The following CDC34 variants were observed in gnomAD, a reference collection of about 807,000 sequenced individuals.
CDC34 encodes ubiquitin-conjugating enzyme E2 R1.
CDC34 carries 18 observed loss-of-function variants against 26.8 expected under a neutral mutation model. The ratio of observed to expected loss-of-function variants is 0.67; its 90% CI spans 0.47 to 1.00. The LOEUF (loss-of-function observed/expected upper bound fraction) is 1.00, where lower values mean the gene tolerates loss of function less well. Among genes scored for constraint, CDC34 ranks in the 50% least tolerant of loss-of-function variants. The probability of loss-of-function intolerance (pLI) is 0.00; values close to 1 mark genes in which losing one functional copy is unlikely to be tolerated. For synonymous variants in CDC34, 178 were observed against 147.5 expected (o/e 1.21, Z -1.50); for missense variants, 280 against 334.5 (o/e 0.84, Z 1.27).
chr19:538,338 G>A (rs1979857448), intron 4 of CDC34, among the ~76,000 whole-genome samples: 1 of 152,212 alleles, frequency 6.6e-6, no homozygotes, highest in African/African-American at 2.4e-5. Context: ...GGCTGTGTGT[G>A]GTGACCCACG....
rs868025775 is a variant in CDC34 at position 540,766 on chromosome 19, C to A, written c.498-573C>A. ...CCGGAGGCTGGGATGGCCAGGCCCCCGGGTTTAGAATCCAGAGGCTGGGAT... is the reference window on the plus strand; with the variant it reads ...CCGGAGGCTGGGATGGCCAGGCCCCAGGGTTTAGAATCCAGAGGCTGGGAT... On this transcript the variant is annotated intron_variant, in intron 4 of 4. Transcript: ENST00000215574. Among the ~76,000 whole-genome samples the A allele has an allele frequency of 1.7e-4, 17 of 98,516 alleles. 1 individual carries two copies. Among genetic ancestry groups the A allele is most frequent in the African/African-American group, 5.7e-4 (16 of 27,922 alleles). 64.6% of individuals were successfully genotyped at this position (98,516 alleles called of 152,430 possible). A position where few individuals can be genotyped will look rare whatever the true frequency, so the allele number is the denominator to read the frequency against.
At position 535,866 on chromosome 19, in the gene CDC34, A is replaced by G. The variant is rs1408034421; in HGVS notation, c.207A>G (p.Pro69=). The G allele has an allele frequency of 1.2e-6, 2 of 1,613,892 alleles. No individual in the cohort carries two copies. Among genetic ancestry groups the G allele is most frequent in the Non-Finnish European group, 8.5e-7 (1 of 1,179,960 alleles). ...KARLKFPIDY[P]YSPPAFRFLT... ...GCCTCAAGTTCCCCATCGACTACCC[A>G]TACTCTCCACCAGCCTTTCGGTTCC... is the stretch of plus-strand genomic sequence containing the variant. The change falls in exon 2 of 5, where the codon CCA becomes CCG. Residue 69 remains proline (P), a synonymous_variant. Coordinates refer to ENST00000215574, the MANE Select transcript of CDC34 (RefSeq NM_004359.2).
In CDC34 at chr19:534,319, G is replaced by A. The variant is rs16990532; in HGVS notation, c.178-1518G>A. ...GAGGACACCCCCCAAGACACCCCGC[G>A]TGCCCTCCCTGTCCAGGAGGGGCCC... On this transcript the variant is annotated intron_variant, in intron 1 of 4. Transcript: ENST00000215574. Among the ~76,000 whole-genome samples, 148 of 151,696 alleles carry A rather than the reference G, an allele frequency of 9.8e-4. No homozygotes were observed. The Middle Eastern group carries it at 0.01, about 11-fold the overall frequency.
intron 3 of CDC34, chr19:536,802 T>A (rs1979776657): frequency 1.7e-6 from 1 of 603,996 alleles, no homozygotes; most frequent in African/African-American, 1.9e-5. Flanking sequence ...TGCACCTTGC[T>A]GCCCTCCCTG....
At chr19:535,027 G>C (rs1198515810) in intron 1 of CDC34, among the ~76,000 whole-genome samples, 1 of 152,226 alleles carries the variant, frequency 6.6e-6, no homozygotes, top group African/African-American at 2.4e-5. Context: ...CTGGGGCCCA[G>C]CAGGAAAACA....
rs112805632 is a variant in CDC34 at position 536,113 on chromosome 19, C to T, written c.265-130C>T. 1.7e-3 allele frequency: 1,371 copies of T among 824,808 alleles called. 25 individuals carry two copies. In the South Asian group the frequency reaches 0.019, roughly 11 times the overall value. The allele number at this position is 824,808 out of a possible 1,614,324, so 51.1% of individuals were successfully genotyped here. A position where few individuals can be genotyped will look rare whatever the true frequency, so the allele number is the denominator to read the frequency against. ...CGAGGCGCTGGGAGCCTCATGTCCT[C>T]GTCCTTCCGGGACCCGGGGCGCTGG... On this transcript the variant is annotated intron_variant, in intron 2 of 4. Coordinates refer to ENST00000215574, the MANE Select transcript of CDC34 (RefSeq NM_004359.2).
chr19:532,924 C>T (rs1010482961), intron 1 of CDC34, among the ~76,000 whole-genome samples: 1 of 152,242 alleles, frequency 6.6e-6, no homozygotes, highest in South Asian at 2.1e-4. Context: ...TGGCCTTTCT[C>T]AGAGTCCACT....
intron 1 of CDC34, among the ~76,000 whole-genome samples, chr19:535,467 G>A (rs1979696318): frequency 6.6e-6 from 1 of 152,236 alleles, no homozygotes; most frequent in Admixed American, 6.5e-5. Flanking sequence ...TGGAGCCCCT[G>A]CCAGTCCATT....
chr19:540,888 C>G (rs1280947521), intron 4 of CDC34, among the ~76,000 whole-genome samples: 4 of 152,104 alleles, frequency 2.6e-5, no homozygotes, highest in Non-Finnish European at 5.9e-5. Context: ...GCCGTTTTTG[C>G]GTTTCCCATC....
At chr19:539,493 A>G (rs1246738084) in intron 4 of CDC34, among the ~76,000 whole-genome samples, 2 of 151,914 alleles carry the variant, frequency 1.3e-5, no homozygotes, top group African/African-American at 4.8e-5. Flanking sequence ...GGGTCCCGCC[A>G]CCCAGGGACG....
At chr19:535,503 C>G (rs1979697664) in intron 1 of CDC34, among the ~76,000 whole-genome samples, 1 of 152,260 alleles carries the variant, frequency 6.6e-6, no homozygotes, top group Non-Finnish European at 1.5e-5. Context: ...TGCCCCTGGC[C>G]TGGGTCCCAT....
In CDC34 at chr19:532,127, G is replaced by A. The variant is rs1462090695; in HGVS notation, c.177+19G>A. 11 of 1,480,930 alleles carry A rather than the reference G, an allele frequency of 7.4e-6. No homozygotes were observed. Among genetic ancestry groups the A allele is most frequent in the Non-Finnish European group, 9.8e-6 (11 of 1,125,282 alleles). 91.7% of individuals were successfully genotyped at this position (1,480,930 alleles called of 1,614,324 possible). A position where few individuals can be genotyped will look rare whatever the true frequency, so the allele number is the denominator to read the frequency against. On this transcript the variant is annotated intron_variant, in intron 1 of 4. Coordinates refer to ENST00000215574, the MANE Select transcript of CDC34 (RefSeq NM_004359.2). ...CTTCAAGGTGAGCGCGGCGACCCCC[G>A]CCCGGGTCCCGGAGCCCACGAGCGA... is the stretch of plus-strand genomic sequence containing the variant.
intron 4 of CDC34, chr19:538,835 C>T: frequency 1.0e-6 from 1 of 985,216 alleles, no homozygotes; most frequent in Non-Finnish European, 1.2e-6. Context: ...CCTGCAAGCA[C>T]CTGCTGGCCT....
chr19:532,224 T>A, intron 1 of CDC34, 116 bp downstream of exon 1: 1 of 778,790 alleles, frequency 1.3e-6, no homozygotes, highest in Non-Finnish European at 1.9e-6. Context: ...CGAAGCCTCC[T>A]GGCTTGGGCT....
At chr19:534,062 G>A (rs6510825) in intron 1 of CDC34, among the ~76,000 whole-genome samples, 119,468 of 152,174 alleles carry the variant, frequency 0.79, 47,579 homozygotes, top group East Asian at 0.93. Flanking sequence ...CCGGGGAAAA[G>A]ACATTCTTAG....
At chr19:536,361 G>A (rs1204463227) in intron 3 of CDC34, 21 bp downstream of exon 3, 2 of 1,580,062 alleles carry the variant, frequency 1.3e-6, no homozygotes, top group South Asian at 1.1e-5. Flanking sequence ...CCAACCCCCT[G>A]TGTCCACCCA....
chr19:534,553 A>ATG (rs201928514), intron 1 of CDC34, among the ~76,000 whole-genome samples: 5 of 38,084 alleles, frequency 1.3e-4, no homozygotes, highest in South Asian at 1.1e-3. Flanking sequence ...ACCCCCGAGT[A>ATG]CCCTCCCTGT....
intron 3 of CDC34, 163 bp from the exon 4 acceptor site, chr19:536,850 G>T: frequency 1.4e-6 from 1 of 728,572 alleles, no homozygotes; most frequent in East Asian, 2.6e-5. Flanking sequence ...TGCAGGTCCA[G>T]CCCCTGCTGT....
intron 1 of CDC34, among the ~76,000 whole-genome samples, 159 bp from the exon 2 acceptor site, chr19:535,678 C>T (rs972759087): frequency 5.3e-5 from 8 of 152,226 alleles, no homozygotes; most frequent in African/African-American, 1.9e-4. Context: ...GGGACTTGAC[C>T]CCAGGCCTGT....
Sources: allele counts gnomAD v4.1 joint callset (sites outside exome capture counted in the v4.1 genomes callset), GRCh38; gene constraint gnomAD v4.1.1; transcripts MANE v1.5; gene names NCBI Gene and HGNC (gene_info 2026-07-23, HGNC 2026-07-21).